Variants in RAB33A observed in about 807,000 individuals in gnomAD.
RAB33A encodes the protein ras-related protein Rab-33A.
RAB33A carries 6 observed loss-of-function variants against 12.0 expected under a neutral mutation model. That is an observed-to-expected ratio of 0.50 (90% CI 0.27 to 0.99). The LOEUF is 0.99. Among genes scored for constraint, RAB33A ranks in the 50% least tolerant of loss-of-function variants. The pLI, the probability that RAB33A is intolerant of heterozygous loss-of-function variation, is 0.11. For synonymous variants in RAB33A, 70 were observed against 82.4 expected (o/e 0.85, Z 0.81); for missense variants, 109 against 192.0 (o/e 0.57, Z 2.55).
the RAB33A span, chrX:130,156,334 G>T: frequency 1.1e-6 from 1 of 912,005 alleles, no homozygotes. Flanking sequence ...TTAAGAGAAG[G>T]CTTTTTGAAA....
the RAB33A span, among the ~76,000 whole-genome samples, chrX:130,126,245 C>T: frequency 5.5e-3 from 619 of 112,011 alleles, 2 homozygotes; most frequent in Non-Finnish European, 7.2e-3. Context: ...AATCTCAGCA[C>T]TTTGGGAGGC....
At chrX:130,125,235 G>A in the RAB33A span, among the ~76,000 whole-genome samples, 1 of 111,650 alleles carries the variant, frequency 9.0e-6, no homozygotes, top group South Asian at 3.7e-4. Flanking sequence ...TTCAGCAAAT[G>A]TTCATTTTGA....
chrX:130,172,168 A>G lies in RAB33A; in HGVS notation c.106A>G (p.Ile36Val), dbSNP rs2031616879. ...SSLDQYVQIR[I>V]FKIIVIGDSN... ...GCTGGACCAGTACGTGCAGATTCGC[A>G]TCTTCAAAATAATCGTGATTGGGGA... is the stretch of plus-strand genomic sequence containing the variant. The change falls in exon 1 of 2, where the codon ATC becomes GTC. Residue 36 changes from isoleucine (I) to valine (V), a missense_variant. Transcript: ENST00000257017. The G allele has an allele frequency of 1.7e-6, 2 of 1,210,733 alleles. No individual in the cohort carries two copies. Among genetic ancestry groups the G allele is most frequent in the South Asian group, 1.8e-5 (1 of 56,924 alleles).
intron 1 of RAB33A, among the ~76,000 whole-genome samples, chrX:130,183,338 G>A (rs1339016030): frequency 1.8e-5 from 2 of 108,703 alleles, no homozygotes; most frequent in African/African-American, 3.3e-5. Context: ...GGCGGATCAC[G>A]AGGTGAGGAG....
chrX:130,170,606 G>A (rs1156475793), upstream of RAB33A, among the ~76,000 whole-genome samples: 1 of 113,040 alleles, frequency 8.8e-6, no homozygotes, highest in Non-Finnish European at 1.9e-5. Flanking sequence ...ACCAAGATGT[G>A]TGTGATGATT....
At chrX:130,134,810 C>T in the RAB33A span, among the ~76,000 whole-genome samples, 1 of 111,638 alleles carries the variant, frequency 9.0e-6, no homozygotes, top group African/African-American at 3.3e-5. Flanking sequence ...AGTGAGCAAC[C>T]GTAAACTGTG....
chrX:130,162,900 C>A, the RAB33A span, among the ~76,000 whole-genome samples: 1 of 111,725 alleles, frequency 9.0e-6, no homozygotes, highest in African/African-American at 3.3e-5. Flanking sequence ...TATGAGTTAC[C>A]TTCAATCATC....
chrX:130,114,600 G>A, the RAB33A span, among the ~76,000 whole-genome samples: 14 of 111,762 alleles, frequency 1.3e-4, no homozygotes, highest in Non-Finnish European at 2.6e-4. Context: ...CACCATGAGC[G>A]GAGCACTCCG....
chrX:130,143,913 G>T, the RAB33A span, among the ~76,000 whole-genome samples: 53,974 of 109,968 alleles, frequency 0.49, 10,291 homozygotes, highest in African/African-American at 0.69. Flanking sequence ...AATCAGAATA[G>T]CTGGGTTCCA....
chrX:130,172,010 T>G lies in RAB33A; in HGVS notation c.-53T>G, dbSNP rs1266518890. On this transcript the variant is annotated 5_prime_UTR_variant, in exon 1 of 2. Coordinates refer to ENST00000257017, the MANE Select transcript of RAB33A (RefSeq NM_004794.3). ...CTCGAGCGCACGAACGTGGACGTTCTCTTTGTGTGGAGCCCTCAAGGGGGG... is the reference window on the plus strand; with the variant it reads ...CTCGAGCGCACGAACGTGGACGTTCGCTTTGTGTGGAGCCCTCAAGGGGGG... 8.8e-6 allele frequency: 10 copies of G among 1,140,699 alleles called. 1 individual carries two copies. Among genetic ancestry groups the G allele is most frequent in the Non-Finnish European group, 9.3e-6 (8 of 861,961 alleles). 94.0% of individuals were successfully genotyped at this position (1,140,699 alleles called of 1,213,427 possible). A position where few individuals can be genotyped will look rare whatever the true frequency, so the allele number is the denominator to read the frequency against.
chrX:130,164,099 C>T, the RAB33A span, among the ~76,000 whole-genome samples: 27 of 103,752 alleles, frequency 2.6e-4, no homozygotes, highest in African/African-American at 9.6e-4. Flanking sequence ...ATCCGGGAGG[C>T]GGAGATTGCA....
At chrX:130,135,428 C>CTTT in the RAB33A span, among the ~76,000 whole-genome samples, 232 of 54,673 alleles carry the variant, frequency 4.2e-3, 1 homozygote, top group African/African-American at 0.013. Flanking sequence ...TCCAGTACAT[C>CTTT]TTTTTTTTTT....
the RAB33A span, chrX:130,139,949 G>T: frequency 1.2e-6 from 1 of 859,994 alleles, no homozygotes. Flanking sequence ...ACCACACAAA[G>T]GTGGAGCCCT....
chrX:130,156,651 T>A, the RAB33A span: 3 of 1,152,648 alleles, frequency 2.6e-6, no homozygotes, highest in Non-Finnish European at 3.6e-6. Flanking sequence ...AATAAAATAG[T>A]TAATACATAT....
At chrX:130,138,221 T>G in the RAB33A span, among the ~76,000 whole-genome samples, 12 of 111,846 alleles carry the variant, frequency 1.1e-4, no homozygotes, top group Non-Finnish European at 1.5e-4. Flanking sequence ...ATCCCAGCAC[T>G]TTGGGAGGCC....
At chrX:130,131,714 T>C in the RAB33A span, 6 of 1,210,578 alleles carry the variant, frequency 5.0e-6, no homozygotes, top group African/African-American at 5.2e-5. Context: ...TCTTGTGCAG[T>C]TGCTTTTGCA....
At chrX:130,148,070 T>TG in the RAB33A span, 1 of 513,391 alleles carries the variant, frequency 1.9e-6, no homozygotes, top group Non-Finnish European at 3.3e-6. Context: ...TTTCATTTCA[T>TG]AAGTGAAAAA....
intron 1 of RAB33A, among the ~76,000 whole-genome samples, chrX:130,182,269 AATAT>A (rs2031739941): frequency 9.6e-6 from 1 of 104,309 alleles, no homozygotes; most frequent in Non-Finnish European, 1.9e-5. Context: ...ACATATATGT[AATAT>A]ATATAACATA....
chrX:130,175,492 CTTTTTTTTTT>C (rs5903795), intron 1 of RAB33A, among the ~76,000 whole-genome samples: 16 of 75,586 alleles, frequency 2.1e-4, no homozygotes, highest in African/African-American at 8.9e-4. Context: ...ACTGGGTTTA[CTTTTTTTTTT>C]TTTTTTTTTT....
Sources: gnomAD v4.1 joint callset for allele counts (sites outside exome capture counted in the v4.1 genomes callset) on GRCh38, gnomAD v4.1.1 for gene constraint, MANE v1.5 for transcripts, NCBI Gene and HGNC (gene_info 2026-07-23, HGNC 2026-07-21) for gene names.